SNTG1: variants seen among roughly 807,000 people sequenced by gnomAD.
SNTG1 encodes syntrophin gamma 1.
SNTG1 carries 39 observed loss-of-function variants against 74.7 expected under a neutral mutation model. That is an observed-to-expected ratio of 0.52 (90% confidence interval 0.40 to 0.68). The LOEUF is 0.68. Ranked by LOEUF, SNTG1 falls within the 30% of genes least tolerant of loss-of-function variation. The pLI is 0.00. For missense variants in SNTG1, 685 were observed against 609.5 expected (o/e 1.12, Z -1.30); for synonymous variants, 254 against 217.1 (o/e 1.17, Z -1.49).
chr8:50,441,610 G>C (rs1183353264), intron 5 of SNTG1, among the ~76,000 whole-genome samples: 1 of 152,126 alleles, frequency 6.6e-6, no homozygotes, highest in Non-Finnish European at 1.5e-5. Flanking sequence ...TATGACTTAA[G>C]TAAGTCCGAA....
chr8:50,581,833 G>A (rs1271460464), intron 12 of SNTG1, among the ~76,000 whole-genome samples: 4 of 152,156 alleles, frequency 2.6e-5, no homozygotes, highest in South Asian at 2.1e-4. Flanking sequence ...TCTTGGCAGA[G>A]CATCCTATTG....
chr8:50,791,796 G>A (rs954779196), intron 18 of SNTG1, among the ~76,000 whole-genome samples: 1 of 151,696 alleles, frequency 6.6e-6, no homozygotes, highest in African/African-American at 2.4e-5. Flanking sequence ...GCACACAAAT[G>A]TATTAGTCTT....
intron 3 of SNTG1, among the ~76,000 whole-genome samples, chr8:50,397,808 C>A (rs2092747098): frequency 6.6e-6 from 1 of 152,138 alleles, no homozygotes; most frequent in Admixed American, 6.5e-5. Context: ...AAGAGCCTAG[C>A]TGCCTGTGTT....
chr8:50,017,165 G>T (rs1046825115), intron 1 of SNTG1, among the ~76,000 whole-genome samples: 3 of 151,994 alleles, frequency 2.0e-5, no homozygotes, highest in Non-Finnish European at 4.4e-5. Flanking sequence ...TTACTACATT[G>T]TCCTTAGGTC....
intron 2 of SNTG1, among the ~76,000 whole-genome samples, chr8:50,271,148 A>C (rs1770930401): frequency 6.6e-6 from 1 of 152,224 alleles, no homozygotes; most frequent in Non-Finnish European, 1.5e-5. Flanking sequence ...TTAAGGGAGA[A>C]GATTATAGAA....
intron 14 of SNTG1, 77 bp downstream of exon 14, chr8:50,657,102 A>G (rs2095187310): frequency 1.5e-6 from 1 of 672,940 alleles, no homozygotes; most frequent in African/African-American, 1.9e-5. Flanking sequence ...AGCACCAAAT[A>G]GTATACCATC....
intron 1 of SNTG1, among the ~76,000 whole-genome samples, chr8:50,042,823 T>C (rs1818756341): frequency 6.6e-6 from 1 of 152,052 alleles, no homozygotes; most frequent in South Asian, 2.1e-4. Flanking sequence ...ATCTAAATTA[T>C]TGGATTCTAG....
intron 2 of SNTG1, among the ~76,000 whole-genome samples, chr8:50,339,760 G>A (rs991658235): frequency 2.6e-5 from 4 of 151,828 alleles, no homozygotes; most frequent in Admixed American, 6.6e-5. Context: ...GGCAACAAAC[G>A]AAAAGCAAGT....
At chr8:50,540,866 C>T (rs141383878) in intron 11 of SNTG1, among the ~76,000 whole-genome samples, 41 of 151,806 alleles carry the variant, frequency 2.7e-4, no homozygotes, top group African/African-American at 9.7e-4. Flanking sequence ...TTTTATTAGT[C>T]TTACTGTATA....
chr8:50,346,658 G>T (rs1464422494), intron 2 of SNTG1, among the ~76,000 whole-genome samples: 5 of 152,350 alleles, frequency 3.3e-5, no homozygotes. Flanking sequence ...AGTTGTGAAT[G>T]CAAAGAGAAA....
At chr8:50,117,367 G>A (rs536342761) in intron 1 of SNTG1, among the ~76,000 whole-genome samples, 1 of 152,032 alleles carries the variant, frequency 6.6e-6, no homozygotes, top group Non-Finnish European at 1.5e-5. Flanking sequence ...ATCAAAATGC[G>A]TGTGATTCTT....
At chr8:50,553,322 A>G in intron 12 of SNTG1, 143 bp downstream of exon 12, 7 of 1,131,438 alleles carry the variant, frequency 6.2e-6, no homozygotes, top group Non-Finnish European at 8.6e-6. Flanking sequence ...TACTTATTGT[A>G]AGAAAACTGA....
At chr8:50,406,250 T>C (rs1440546713) in intron 4 of SNTG1, among the ~76,000 whole-genome samples, 1 of 152,138 alleles carries the variant, frequency 6.6e-6, no homozygotes, top group Non-Finnish European at 1.5e-5. Flanking sequence ...CATGTACAAG[T>C]CTTTCAACCC....
chr8:49,920,464 A>G (rs1193186561), intron 1 of SNTG1, among the ~76,000 whole-genome samples: 1 of 152,044 alleles, frequency 6.6e-6, no homozygotes. Context: ...TCTATTCATA[A>G]GTGGTTTAGG....
chr8:50,414,910 TA>T (rs1295439722), intron 4 of SNTG1, among the ~76,000 whole-genome samples: 1 of 152,148 alleles, frequency 6.6e-6, no homozygotes, highest in Non-Finnish European at 1.5e-5. Flanking sequence ...GACCACCTAC[TA>T]TACATAGTTC....
intron 1 of SNTG1, among the ~76,000 whole-genome samples, chr8:50,120,689 T>C (rs557746839): frequency 1.4e-5 from 2 of 142,564 alleles, no homozygotes; most frequent in East Asian, 4.0e-4. Context: ...CCAACGCTAC[T>C]AATAGTATTG....
intron 9 of SNTG1, among the ~76,000 whole-genome samples, chr8:50,517,731 G>T (rs1019543553): frequency 1.3e-5 from 2 of 151,518 alleles, no homozygotes; most frequent in Non-Finnish European, 2.9e-5. Context: ...AATGATAAAA[G>T]GATCAATGCA....
intron 1 of SNTG1, among the ~76,000 whole-genome samples, chr8:50,054,558 T>C (rs1349408105): frequency 1.3e-5 from 2 of 152,150 alleles, no homozygotes; most frequent in East Asian, 3.9e-4. Flanking sequence ...TGCCAAAATG[T>C]TCCTTCTCAT....
chr8:50,241,684 G>A (rs1034288748), intron 2 of SNTG1, among the ~76,000 whole-genome samples: 1 of 152,166 alleles, frequency 6.6e-6, no homozygotes, highest in Non-Finnish European at 1.5e-5. Flanking sequence ...TCAATGTGAA[G>A]AGGAAGTTGC....
Sources: gnomAD v4.1 joint callset for allele counts (sites outside exome capture counted in the v4.1 genomes callset) on GRCh38, gnomAD v4.1.1 for gene constraint, MANE v1.5 for transcripts, NCBI Gene and HGNC (gene_info 2026-07-23, HGNC 2026-07-21) for gene names.